Variants in OPCML observed in about 807,000 individuals in gnomAD.
The protein encoded by OPCML is opioid binding protein/cell adhesion molecule like, also known as opioid-binding protein/cell adhesion molecule.
OPCML carries 13 observed loss-of-function variants against 37.8 expected under a neutral mutation model. That is an observed-to-expected ratio of 0.34 (90% CI 0.22 to 0.55). OPCML has a LOEUF of 0.55. Among genes scored for constraint, OPCML ranks in the 20% least tolerant of loss-of-function variants. OPCML has a pLI of 0.91. For synonymous variants in OPCML, 176 were observed against 168.8 expected (o/e 1.04, Z -0.33); for missense variants, 341 against 435.6 (o/e 0.78, Z 1.93).
chr11:132,553,660 A>G (rs2096387597), intron 3 of OPCML, among the ~76,000 whole-genome samples: 1 of 152,236 alleles, frequency 6.6e-6, no homozygotes, highest in Non-Finnish European at 1.5e-5. Flanking sequence ...ATACATAAAT[A>G]TATTCTAAAA....
chr11:132,925,064 A>T (rs576848242), intron 2 of OPCML, among the ~76,000 whole-genome samples: 1 of 152,338 alleles, frequency 6.6e-6, no homozygotes, highest in Admixed American at 6.5e-5. Flanking sequence ...GAGCTCATCA[A>T]ATGAGCCCAT....
At chr11:132,438,803 GT>G (rs2096022015) in intron 4 of OPCML, among the ~76,000 whole-genome samples, 1 of 151,966 alleles carries the variant, frequency 6.6e-6, no homozygotes, top group African/African-American at 2.4e-5. Context: ...GGTATAGGGG[GT>G]AAGGAGGCAG....
At chr11:133,114,767 T>C (rs1472345460) in intron 1 of OPCML, among the ~76,000 whole-genome samples, 1 of 152,178 alleles carries the variant, frequency 6.6e-6, no homozygotes, top group Non-Finnish European at 1.5e-5. Flanking sequence ...TAATTATTTG[T>C]TGGATGAATT....
At chr11:133,176,638 G>T (rs1937604793) in intron 1 of OPCML, among the ~76,000 whole-genome samples, 1 of 151,986 alleles carries the variant, frequency 6.6e-6, no homozygotes, top group Non-Finnish European at 1.5e-5. Flanking sequence ...CCTTCCTCTT[G>T]CTCCCACTTC....
chr11:133,173,578 A>G lies in OPCML; in HGVS notation c.62-230568T>C, dbSNP rs929500876. Among the ~76,000 whole-genome samples, 3 of 152,192 alleles carry G rather than the reference A, an allele frequency of 2.0e-5. No homozygotes were observed. Among genetic ancestry groups the G allele is most frequent in the Non-Finnish European group, 2.9e-5 (2 of 68,032 alleles). On this transcript the variant is annotated intron_variant, in intron 1 of 7. Coordinates refer to ENST00000524381, the MANE Select transcript of OPCML (RefSeq NM_001012393.5). The surrounding 1 kb of genome is among the most constrained non-coding windows in gnomAD (Gnocchi z 7.8). The stretch of plus-strand genomic sequence containing the variant: ...CCAAAGGAGGAAGCCACCAGCATTC[A>G]AATCACATCACCTTTCAAATCACCC...
intron 1 of OPCML, among the ~76,000 whole-genome samples, chr11:133,202,461 G>A (rs988084176): frequency 9.2e-5 from 14 of 152,066 alleles, no homozygotes; most frequent in Non-Finnish European, 1.9e-4. Context: ...GCTGTCAGGG[G>A]GACCTCACTA....
intron 2 of OPCML, among the ~76,000 whole-genome samples, chr11:132,899,119 C>A (rs1427512198): frequency 6.6e-6 from 1 of 152,096 alleles, no homozygotes; most frequent in Non-Finnish European, 1.5e-5. Flanking sequence ...CAGGTCACCC[C>A]ACCAGGTAAT....
At chr11:133,360,844 C>T (rs549905618) in intron 1 of OPCML, 7 of 152,394 alleles carry the variant, frequency 4.6e-5, no homozygotes, top group African/African-American at 7.2e-5. Context: ...AAACACCTCT[C>T]CACTCCCGTT....
intron 1 of OPCML, among the ~76,000 whole-genome samples, chr11:133,058,008 C>A (rs1948271600): frequency 6.6e-6 from 1 of 152,218 alleles, no homozygotes; most frequent in Admixed American, 6.5e-5. Flanking sequence ...ACTAGGAATA[C>A]CTCCAGGGCT....
intron 1 of OPCML, among the ~76,000 whole-genome samples, chr11:133,428,144 A>G (rs755026961): frequency 1.4e-4 from 22 of 152,352 alleles, no homozygotes; most frequent in Non-Finnish European, 2.9e-4. Flanking sequence ...TAGTATTGGA[A>G]AATCTATTAA....
rs35382294 is a variant in OPCML at position 133,175,657 on chromosome 11, C to CTT, written c.62-232649_62-232648dup. Among the ~76,000 whole-genome samples the CTT allele has an allele frequency of 6.1e-3, 873 of 142,490 alleles. 6 individuals are homozygous for CTT. Among genetic ancestry groups the CTT allele is most frequent in the Middle Eastern group, 0.011 (3 of 268 alleles). The allele number at this position is 142,490 out of a possible 152,430, so 93.5% of individuals were successfully genotyped here. On this transcript the variant is annotated intron_variant, in intron 1 of 7. Transcript: ENST00000524381. ...AAAAGAAAATTCTGTAATTCACTGA[C>CTT]TTTTTTTTTTTTTTTTGAGAGTCTG... is the stretch of plus-strand genomic sequence containing the variant.
intron 1 of OPCML, among the ~76,000 whole-genome samples, chr11:133,058,488 A>T (rs1948280513): frequency 6.6e-6 from 1 of 152,180 alleles, no homozygotes; most frequent in Non-Finnish European, 1.5e-5. Context: ...CAGGTGTCAC[A>T]TCGAGCATGC....
chr11:133,199,635 T>G (rs923605335), intron 1 of OPCML, among the ~76,000 whole-genome samples: 11 of 152,174 alleles, frequency 7.2e-5, no homozygotes, highest in African/African-American at 2.4e-4. Flanking sequence ...TCCCAAGTAT[T>G]CCGCAAAATG....
At chr11:132,441,165 G>GTTTTTTTTTTTTGTTTTTTT (rs2096032003) in intron 4 of OPCML, among the ~76,000 whole-genome samples, 1 of 72,402 alleles carries the variant, frequency 1.4e-5, no homozygotes, top group Non-Finnish European at 2.3e-5. Context: ...GGACTTTTTT[G>GTTTTTTTTTTTTGTTTTTTT]TTTTTTTTTT....
chr11:133,216,482 T>G (rs1213823921), intron 1 of OPCML, among the ~76,000 whole-genome samples: 1 of 152,226 alleles, frequency 6.6e-6, no homozygotes, highest in South Asian at 2.1e-4. Flanking sequence ...AATGAGGCAC[T>G]CATTCTTCAG....
intron 4 of OPCML, among the ~76,000 whole-genome samples, chr11:132,443,167 G>A (rs549271396): frequency 9.3e-4 from 141 of 152,344 alleles, no homozygotes; most frequent in African/African-American, 3.3e-3. Context: ...GACCAGCCAG[G>A]AGGTAACACA....
chr11:132,937,564 C>CGT (rs1352844165), intron 2 of OPCML, among the ~76,000 whole-genome samples: 1 of 116,312 alleles, frequency 8.6e-6, no homozygotes, highest in Non-Finnish European at 1.8e-5. Context: ...GTGTGTGTGT[C>CGT]GTGTGTGTGT....
chr11:133,188,250 A>C (rs1362100007), intron 1 of OPCML, among the ~76,000 whole-genome samples: 2 of 152,238 alleles, frequency 1.3e-5, no homozygotes, highest in Admixed American at 6.5e-5. Flanking sequence ...TAGAAGAATC[A>C]TATGGGCCTC....
chr11:132,543,656 G>T (rs2096362406), intron 3 of OPCML, among the ~76,000 whole-genome samples: 1 of 152,126 alleles, frequency 6.6e-6, no homozygotes, highest in South Asian at 2.1e-4. Context: ...AATAGGTTTT[G>T]ACTCTGTTCT....
Sources: gnomAD v4.1 joint callset for allele counts (sites outside exome capture counted in the v4.1 genomes callset) on GRCh38, gnomAD v4.1.1 for gene constraint, Gnocchi (gnomAD v3.1) non-coding constraint, MANE v1.5 for transcripts, NCBI Gene and HGNC (gene_info 2026-07-23, HGNC 2026-07-21) for gene names.